The following FDXR variants were observed in gnomAD, a reference collection of about 807,000 sequenced individuals.
The protein encoded by FDXR is ferredoxin reductase, also known as NADPH:adrenodoxin oxidoreductase, mitochondrial.
A neutral mutation model predicts 58.3 loss-of-function variants in FDXR; 38 were observed. That is an observed-to-expected ratio of 0.65 (90% CI 0.50 to 0.85). FDXR has a LOEUF of 0.85. FDXR is among the 40% of genes least tolerant of loss of function. The pLI, the probability that FDXR is intolerant of heterozygous loss-of-function variation, is 0.00. For missense variants in FDXR, 624 were observed against 671.0 expected (o/e 0.93, Z 0.77); for synonymous variants, 275 against 273.8 (o/e 1.00, Z -0.04).
intron 2 of FDXR, among the ~76,000 whole-genome samples, chr17:74,869,323 A>T: frequency 6.6e-6 from 1 of 152,156 alleles, no homozygotes; most frequent in East Asian, 1.9e-4. Flanking sequence ...GCATTTTGAT[A>T]AGATGCCCCG....
At chr17:74,865,024 G>A in intron 6 of FDXR, 93 bp from the exon 7 acceptor site, 1 of 1,577,240 alleles carries the variant, frequency 6.3e-7, no homozygotes, top group Non-Finnish European at 8.7e-7. Context: ...GCCTGGAGAA[G>A]GCTGGCGGCT....
At chr17:74,867,832 C>A (rs116462435) in intron 2 of FDXR, among the ~76,000 whole-genome samples, 1 of 152,096 alleles carries the variant, frequency 6.6e-6, no homozygotes, top group Non-Finnish European at 1.5e-5. Context: ...TCAGTCTCCC[C>A]CTCTGCACAC....
intron 2 of FDXR, 140 bp downstream of exon 2, chr17:74,871,896 G>A (rs1005780659): frequency 5.3e-5 from 31 of 582,802 alleles, no homozygotes; most frequent in Admixed American, 1.4e-4. Context: ...GAGGAAGCAA[G>A]TGGGAAGTGT....
chr17:74,872,287 G>T, intron 1 of FDXR, 154 bp from the exon 2 acceptor site: 1 of 1,536,348 alleles, frequency 6.5e-7, no homozygotes, highest in Non-Finnish European at 8.7e-7. Context: ...GCATTTGCAG[G>T]GTCTCTTACT....
chr17:74,864,686 G>A lies in FDXR; in HGVS notation c.718-122C>T, dbSNP rs1176879804. ...CACCCGCCTCCTCCCCAAAGGCACA[G>A]GGCCCCCGGGGCCCTGACTGCTCCC... On this transcript the variant is annotated intron_variant, in intron 7 of 11. Transcript: ENST00000293195. 8 of 1,421,840 alleles carry A rather than the reference G, an allele frequency of 5.6e-6. No homozygotes were observed. In the African/African-American group the frequency reaches 8.6e-5, roughly 15 times the overall value. 88.1% of individuals were successfully genotyped at this position (1,421,840 alleles called of 1,614,324 possible). A position where few individuals can be genotyped will look rare whatever the true frequency, so the allele number is the denominator to read the frequency against.
Position 74,866,828 on chromosome 17 carries a change from C to A in FDXR, c.226G>T (p.Gly76Cys). ...DIYEKQPVPF[G>C]LVRFGVAPDH... Reference sequence around the variant, plus strand: ...GGCGCCACACCAAAGCGCACCAGGCCAAAGGGCACAGGCTGTTTCTCGTAG... The same window carrying A: ...GGCGCCACACCAAAGCGCACCAGGCAAAAGGGCACAGGCTGTTTCTCGTAG... The change falls in exon 3 of 12, where the codon GGC (glycine) becomes TGC (cysteine). Residue 76 changes from glycine (G) to cysteine (C), a missense_variant. By Grantham distance (159) the Gly-to-Cys change is radical. Transcript: ENST00000293195. 5 of 1,614,198 alleles carry A rather than the reference C, an allele frequency of 3.1e-6. No homozygotes were observed. The highest frequency in any genetic ancestry group is 4.2e-6 in the Non-Finnish European group (5 of 1,180,034).
At chr17:74,869,262 C>T (rs1033987122) in intron 2 of FDXR, among the ~76,000 whole-genome samples, 22 of 152,230 alleles carry the variant, frequency 1.4e-4, no homozygotes, top group African/African-American at 5.3e-4. Flanking sequence ...ATTGCTGACT[C>T]TTGGGCCCAG....
chr17:74,870,837 C>A (rs34852740), intron 2 of FDXR, among the ~76,000 whole-genome samples: 1,368 of 132,444 alleles, frequency 0.01, 32 homozygotes, highest in African/African-American at 0.035. Flanking sequence ...GGGTCTCACT[C>A]TGTCGCCCAG....
intron 2 of FDXR, among the ~76,000 whole-genome samples, chr17:74,871,704 T>C (rs945696264): frequency 2.0e-5 from 3 of 152,084 alleles, no homozygotes; most frequent in African/African-American, 4.8e-5. Context: ...AGAGTGAAGA[T>C]AGACGAGAGA....
Position 74,864,335 on chromosome 17 carries a change from G to T in FDXR, c.815C>A (p.Pro272Gln). ...CAGCAGTTCCGTCAGCCGCTTCCTC[G>T]GGCGGGGGACCTCTGTCAGCAACGT... The part of the protein sequence containing the change: ...LQDKIKEVPR[P>Q]RKRLTELLLR... Residue 272 changes from proline to glutamine, a missense_variant, in exon 9 of 12, where the codon CCG becomes CAG. By Grantham distance (76) the Pro-to-Gln change is moderately conservative. Coordinates refer to ENST00000293195, the MANE Select transcript of FDXR (RefSeq NM_024417.5). The T allele has an allele frequency of 1.3e-6, 2 of 1,575,456 alleles. No individual in the cohort carries two copies. The highest frequency in any genetic ancestry group is 1.7e-6 in the Non-Finnish European group (2 of 1,158,648).
intron 3 of FDXR, 50 bp downstream of exon 3, chr17:74,866,734 A>T: frequency 6.2e-7 from 1 of 1,607,714 alleles, no homozygotes; most frequent in Non-Finnish European, 8.5e-7. Flanking sequence ...TGCCCTCCTC[A>T]TCTTGACCAA....
chr17:74,864,255 C>T lies in FDXR; in HGVS notation c.895G>A (p.Ala299Thr). ...AAGCGGAGGCCCCAGGCACGGGAGG[C>T]CGATGCCTGGCGGGCAGCTTCCGCC... is the stretch of plus-strand genomic sequence containing the variant. ...GPAEAARQAS[A>T]SRAWGLRFFR... is the part of the protein sequence containing the mutation. Residue 299 changes from alanine (A) to threonine (T), a missense_variant, in exon 9 of 12, where the codon GCC (alanine) becomes ACC (threonine). By Grantham distance (58) the Ala-to-Thr change is moderately conservative. Coordinates refer to ENST00000293195, the MANE Select transcript of FDXR (RefSeq NM_024417.5). 6.2e-7 allele frequency: 1 copy of T among 1,600,004 alleles called. No individual in the cohort carries two copies. Among genetic ancestry groups the T allele is most frequent in the Non-Finnish European group, 8.5e-7 (1 of 1,169,952 alleles).
rs946843655 is a variant in FDXR at position 74,862,790 on chromosome 17, T to A, written c.*27A>T. Reference sequence around the variant, plus strand: ...CCCCTCCCAACACTCATCCCTTCCCTGCTGGGGGCCGGGGCTGGGGCTGGG... The same window carrying A: ...CCCCTCCCAACACTCATCCCTTCCCAGCTGGGGGCCGGGGCTGGGGCTGGG... On this transcript the variant is annotated 3_prime_UTR_variant, in exon 12 of 12. Coordinates refer to ENST00000293195, the MANE Select transcript of FDXR (RefSeq NM_024417.5). 3.1e-6 allele frequency: 5 copies of A among 1,594,946 alleles called. No individual in the cohort carries two copies. In the African/African-American group the frequency reaches 6.7e-5, roughly 21 times the overall value.
rs557071631 is a variant in FDXR, at chr17:74,863,137, C to G, written c.1284G>C (p.Gly428=). The G allele has an allele frequency of 1.2e-6, 2 of 1,613,766 alleles. No individual in the cohort carries two copies. Among genetic ancestry groups the G allele is most frequent in the Non-Finnish European group, 1.7e-6 (2 of 1,179,986 alleles). The change falls in exon 11 of 12, where the codon GGG becomes GGC. Residue 428 remains glycine, a synonymous_variant. Coordinates refer to ENST00000293195, the MANE Select transcript of FDXR (RefSeq NM_024417.5). ...CAGGCCTGGGGCCAGAGGGGAGCAACCCAGCCTTCAGGTCCTGCAGCAGCA... is the reference window on the plus strand; with the variant it reads ...CAGGCCTGGGGCCAGAGGGGAGCAAGCCAGCCTTCAGGTCCTGCAGCAGCA... ...GQMLLQDLKA[G]LLPSGPRPGY...
At chr17:74,869,764 C>A (rs2038310396) in intron 2 of FDXR, among the ~76,000 whole-genome samples, 1 of 152,228 alleles carries the variant, frequency 6.6e-6, no homozygotes, top group African/African-American at 2.4e-5. Context: ...ACAGGGACCA[C>A]GTCTGTCCTG....
Position 74,866,252 on chromosome 17 carries a change from A to G in FDXR, c.394-8T>C. ...GTCCTCTGCCCCGTAGCTCTGATGAAAGATGGCAGGCCCGAGACCCACAGC... is the reference window on the plus strand; with the variant it reads ...GTCCTCTGCCCCGTAGCTCTGATGAGAGATGGCAGGCCCGAGACCCACAGC... On this transcript the variant is annotated splice_polypyrimidine_tract_variant and splice_region_variant and intron_variant, in intron 4 of 11. Transcript: ENST00000293195. 6.2e-7 allele frequency: 1 copy of G among 1,611,632 alleles called. No individual in the cohort carries two copies. Among genetic ancestry groups the G allele is most frequent in the East Asian group, 2.2e-5 (1 of 44,868 alleles).
chr17:74,864,905 C>A lies in FDXR; in HGVS notation c.636G>T (p.Leu212=). ...LERTDITKAA[L]GVLRQSRVKT... ...TCACTCGACTCTGCCTCAGTACACCCAGGGCTGCCTTCGTGATGTCCGTTC... is the reference window on the plus strand; with the variant it reads ...TCACTCGACTCTGCCTCAGTACACCAAGGGCTGCCTTCGTGATGTCCGTTC... Residue 212 remains leucine, a synonymous_variant, in exon 7 of 12, where the codon CTG becomes CTT. Coordinates refer to ENST00000293195, the MANE Select transcript of FDXR (RefSeq NM_024417.5). 1.2e-6 allele frequency: 2 copies of A among 1,614,152 alleles called. No individual in the cohort carries two copies. Among genetic ancestry groups the A allele is most frequent in the African/African-American group, 2.7e-5 (2 of 75,058 alleles).
rs1344562956 is a variant in FDXR, at chr17:74,865,769, C to T, written c.559G>A (p.Val187Met). ...DTAVILGQGN[V>M]ALDVARILLT... ...AGGATGCGGGCCACGTCCAGAGCCACGTTCCCCTGCCCCAGAATCACGGCT... is the reference window on the plus strand; with the variant it reads ...AGGATGCGGGCCACGTCCAGAGCCATGTTCCCCTGCCCCAGAATCACGGCT... The change falls in exon 6 of 12, where the codon GTG becomes ATG. Residue 187 changes from valine to methionine, a missense_variant. Transcript: ENST00000293195. The T allele has an allele frequency of 6.2e-6, 10 of 1,613,684 alleles. No homozygotes were observed. The highest frequency in any genetic ancestry group is 2.2e-5 in the East Asian group (1 of 44,864).
In FDXR at chr17:74,865,654, A is replaced by G. The variant is rs534153224; in HGVS notation, c.609+65T>C. 533 of 1,136,678 alleles carry G rather than the reference A, an allele frequency of 4.7e-4. 1 individual carries two copies. In the African/African-American group the frequency reaches 7.5e-3, roughly 16 times the overall value. The allele number at this position is 1,136,678 out of a possible 1,614,324, so 70.4% of individuals were successfully genotyped here. The stretch of plus-strand genomic sequence containing the variant: ...GAGAGGTAAGGCCTGAACCCTGCAG[A>G]CAAGGGCACTCTCTCCTCAGGGTGA... On this transcript the variant is annotated intron_variant, in intron 6 of 11. Coordinates refer to ENST00000293195, the MANE Select transcript of FDXR (RefSeq NM_024417.5).
Sources: gnomAD v4.1 joint callset for allele counts (sites outside exome capture counted in the v4.1 genomes callset) on GRCh38, gnomAD v4.1.1 for gene constraint, MANE v1.5 for transcripts, NCBI Gene and HGNC (gene_info 2026-07-23, HGNC 2026-07-21) for gene names.